GBF1: variants seen among roughly 807,000 people sequenced by gnomAD.
The protein encoded by GBF1 is Golgi-specific brefeldin A-resistance guanine nucleotide exchange factor 1.
GBF1 carries 114 observed loss-of-function variants against 210.5 expected under a neutral mutation model. The ratio of observed to expected loss-of-function variants is 0.54; its 90% CI spans 0.47 to 0.63. GBF1 has a LOEUF of 0.63. Ranked by LOEUF, GBF1 falls within the 30% of genes least tolerant of loss-of-function variation. GBF1 has a pLI of 0.00. For missense variants in GBF1, 1,851 were observed against 2,357.7 expected, an observed-to-expected ratio of 0.79 and a Z score of 4.45; for synonymous variants, 850 against 889.2, an observed-to-expected ratio of 0.96 and a Z score of 0.78.
intron 3 of GBF1, among the ~76,000 whole-genome samples, chr10:102,315,144 A>G (rs1007193797): frequency 8.5e-5 from 13 of 152,230 alleles, no homozygotes; most frequent in Admixed American, 7.2e-4. Context: ...ACTGGAGTAT[A>G]GGTTTCTTCA....
At chr10:102,244,138 A>T (rs2070635042), upstream of GBF1, among the ~76,000 whole-genome samples, 1 of 152,162 alleles carries the variant, frequency 6.6e-6, no homozygotes, top group Admixed American at 6.5e-5. Flanking sequence ...AAAACAAACA[A>T]ACAAACAAAA....
chr10:102,369,537 A>G, intron 24 of GBF1, 150 bp downstream of exon 24: 1 of 874,236 alleles, frequency 1.1e-6, no homozygotes, highest in Admixed American at 2.1e-5. Context: ...AAGACCACAG[A>G]TCTTGGGGGA....
intron 6 of GBF1, 56 bp from the exon 7 acceptor site, chr10:102,352,402 C>G: frequency 2.5e-6 from 3 of 1,208,726 alleles, no homozygotes; most frequent in Non-Finnish European, 3.7e-6. Context: ...TGAGAACCCT[C>G]TTGATAATAG....
At chr10:102,355,461 A>G (rs1017992999) in intron 8 of GBF1, among the ~76,000 whole-genome samples, 2 of 152,298 alleles carry the variant, frequency 1.3e-5, no homozygotes, top group South Asian at 4.1e-4. Flanking sequence ...GTAGAATTCC[A>G]TGAATACCTA....
chr10:102,230,658 G>C, the GBF1 span: 4 of 1,597,356 alleles, frequency 2.5e-6, no homozygotes, highest in African/African-American at 5.4e-5. Context: ...GGTCCCGATA[G>C]ACGTAGGGGG....
At chr10:102,276,180 T>C (rs2074943657) in intron 3 of GBF1, among the ~76,000 whole-genome samples, 2 of 151,514 alleles carry the variant, frequency 1.3e-5, no homozygotes, top group African/African-American at 4.9e-5. Context: ...GAGATTGCTG[T>C]GAGCTGAGAT....
chr10:102,292,293 A>G (rs1458882714), intron 3 of GBF1, among the ~76,000 whole-genome samples: 2 of 152,124 alleles, frequency 1.3e-5, no homozygotes, highest in Non-Finnish European at 2.9e-5. Flanking sequence ...AACAAACAGA[A>G]AAGAAAAAAA....
chr10:102,266,953 T>A (rs1052650144), intron 3 of GBF1, among the ~76,000 whole-genome samples: 3 of 152,022 alleles, frequency 2.0e-5, no homozygotes, highest in African/African-American at 7.3e-5. Context: ...GAATTCAGAG[T>A]CTGAGCTAGG....
In GBF1 at chr10:102,253,046, C is replaced by CAGTA. The variant is rs2071798776; in HGVS notation, c.-10-5882_-10-5881insGTAA. Reference sequence around the variant, plus strand: ...AGTAGCTGGGATTACAGGCCCCTGCCATCATGCCCAGCTAATTTTTGTATT... The same window carrying CAGTA: ...AGTAGCTGGGATTACAGGCCCCTGCCAGTAATCATGCCCAGCTAATTTTTGTATT... On this transcript the variant is annotated intron_variant, in intron 1 of 39. Coordinates refer to ENST00000369983, the MANE Select transcript of GBF1 (RefSeq NM_001377137.1). Among the ~76,000 whole-genome samples the CAGTA allele has an allele frequency of 3.3e-5, 5 of 152,250 alleles. 1 individual carries two copies. In the South Asian group the frequency reaches 1.0e-3, roughly 32 times the overall value.
In GBF1 at chr10:102,361,745, A is replaced by G. The variant is rs778987610; in HGVS notation, c.1519A>G (p.Ile507Val). The G allele has an allele frequency of 6.2e-7, 1 of 1,604,400 alleles. No homozygotes were observed. The highest frequency in any genetic ancestry group is 1.3e-5 in the African/African-American group (1 of 74,602). The change falls in exon 14 of 40, where the codon ATC becomes GTC. Residue 507 changes from isoleucine to valine, a missense_variant. Coordinates refer to ENST00000369983, the MANE Select transcript of GBF1 (RefSeq NM_001377137.1). Reference protein sequence around the residue: ...EMYIKKLMEIITVENPKMPYE... With the variant: ...EMYIKKLMEIVTVENPKMPYE... The stretch of plus-strand genomic sequence containing the variant: ...GTACATCAAAAAGCTTATGGAGATC[A>G]TCACTGTGGAGAACCCCAAGATGCC...
In GBF1 at chr10:102,369,356, G is replaced by C; in HGVS notation, c.3119G>C (p.Arg1040Pro). 6.2e-7 allele frequency: 1 copy of C among 1,613,792 alleles called. No homozygotes were observed. Among genetic ancestry groups the C allele is most frequent in the Non-Finnish European group, 8.5e-7 (1 of 1,179,708 alleles). Residue 1040 changes from arginine (R) to proline (P), a missense_variant, in exon 24 of 40, where the codon CGA (arginine) becomes CCA (proline). By Grantham distance (103) the Arg-to-Pro change is moderately radical (BLOSUM62 -2). This residue lies in a region of GBF1 where 967 missense variants were observed against 1,247.7 expected (regional missense o/e 0.78). Coordinates refer to ENST00000369983, the MANE Select transcript of GBF1 (RefSeq NM_001377137.1). ...NIMEAMLQLF[R>P]AQLLPKAMIE... ...ATGGAGGCCATGCTGCAGCTCTTCC[G>C]AGCCCAACTACTGCCCAAGGCTATG...
chr10:102,301,027 A>G (rs1467865426), intron 3 of GBF1, among the ~76,000 whole-genome samples: 1 of 143,642 alleles, frequency 7.0e-6, no homozygotes, highest in African/African-American at 2.6e-5. Flanking sequence ...TGTTTCTCGC[A>G]GAGGGGGATT....
At position 102,381,202 on chromosome 10, in the gene GBF1, G is replaced by A. The variant is rs749043366; in HGVS notation, c.5249G>A (p.Arg1750Lys). ...CTGACTTCCGCTGCTGGCGACACTA[G>A]GACACCTGGCCATCCACCGCCCCCA... ...AHLTSAAGDT[R>K]TPGHPPPPEI... The change falls in exon 39 of 40, where the codon AGG becomes AAG. Residue 1750 changes from arginine to lysine, a missense_variant. Transcript: ENST00000369983. 8 of 1,613,862 alleles carry A rather than the reference G, an allele frequency of 5.0e-6. No individual in the cohort carries two copies. The highest frequency in any genetic ancestry group is 6.8e-6 in the Non-Finnish European group (8 of 1,179,966).
chr10:102,291,354 A>G (rs1336439203), intron 3 of GBF1, among the ~76,000 whole-genome samples: 1 of 152,078 alleles, frequency 6.6e-6, no homozygotes, highest in African/African-American at 2.4e-5. Flanking sequence ...TTGGCATGGG[A>G]GCAGTGTGTG....
intron 1 of GBF1, among the ~76,000 whole-genome samples, chr10:102,246,824 A>G (rs758122786): frequency 2.6e-5 from 4 of 152,084 alleles, no homozygotes; most frequent in Non-Finnish European, 5.9e-5. Flanking sequence ...CACAATGTGG[A>G]AACTTGTGCA....
intron 3 of GBF1, among the ~76,000 whole-genome samples, chr10:102,261,384 T>C (rs1165195934): frequency 6.6e-6 from 1 of 152,148 alleles, no homozygotes; most frequent in South Asian, 2.1e-4. Context: ...TGTTCCTTTG[T>C]TGACCACAAA....
At chr10:102,367,017 GGGTT>G (rs2059952900) in intron 19 of GBF1, 64 bp from the exon 20 acceptor site, 3 of 1,574,056 alleles carry the variant, frequency 1.9e-6, no homozygotes, top group East Asian at 4.5e-5. Flanking sequence ...ACTGACCAGT[GGGTT>G]GGTAGTGAGG....
chr10:102,277,385 A>G (rs960499533), intron 3 of GBF1, among the ~76,000 whole-genome samples: 2 of 148,596 alleles, frequency 1.3e-5, no homozygotes, highest in Middle Eastern at 7.1e-3. Context: ...GGTTATATAC[A>G]TTGTGACTTT....
rs749153628 is a variant in GBF1, at chr10:102,370,463, T to C, written c.3491T>C (p.Ile1164Thr). Residue 1164 changes from isoleucine (I) to threonine (T), a missense_variant, in exon 28 of 40, where the codon ATT becomes ACT. Physicochemically the swap from Ile to Thr is moderately conservative, Grantham distance 89. Around this residue, in one of 3 missense-constraint regions of GBF1, gnomAD observed 967 missense variants for 1,247.7 expected, o/e 0.78. Coordinates refer to ENST00000369983, the MANE Select transcript of GBF1 (RefSeq NM_001377137.1). ...AAFCLEMLLR[I>T]VLENRDRVGC... ...TTCTGCCTAGAGATGCTGCTAAGGATTGTGTTGGAGAACAGGTAAGATGAG... is the reference window on the plus strand; with the variant it reads ...TTCTGCCTAGAGATGCTGCTAAGGACTGTGTTGGAGAACAGGTAAGATGAG... The C allele has an allele frequency of 3.1e-6, 5 of 1,611,522 alleles. No homozygotes were observed. The South Asian group carries it at 3.3e-5, about 11-fold the overall frequency.
Sources: gnomAD v4.1 joint callset for allele counts (sites outside exome capture counted in the v4.1 genomes callset) on GRCh38, gnomAD v4.1.1 for gene constraint, gnomAD v4.1.1 regional missense constraint, MANE v1.5 for transcripts, NCBI Gene and HGNC (gene_info 2026-07-23, HGNC 2026-07-21) for gene names.